Variants in MGST1 observed in about 807,000 individuals in gnomAD.
MGST1 encodes the protein microsomal glutathione S-transferase 1.
In MGST1, 5 loss-of-function variants were observed where a neutral mutation model predicts 8.9. The observed-to-expected ratio is 0.56, with a 90% CI of 0.29 to 1.19. MGST1 has a LOEUF of 1.19. MGST1 is among the 50% of genes most tolerant of loss of function. MGST1 has a pLI of 0.08. For missense variants in MGST1, 182 were observed against 187.4 expected (o/e 0.97, Z 0.17); for synonymous variants, 54 against 67.8 (o/e 0.80, Z 1.00).
At chr12:16,477,294 C>T (rs746572004) in intron 4 of MGST1, among the ~76,000 whole-genome samples, 5 of 152,026 alleles carry the variant, frequency 3.3e-5, no homozygotes, top group Admixed American at 1.3e-4. Flanking sequence ...GATTATCAGC[C>T]ATTTTCTTTG....
At chr12:16,397,655 A>G (rs1940616587) in intron 1 of MGST1, among the ~76,000 whole-genome samples, 1 of 151,970 alleles carries the variant, frequency 6.6e-6, no homozygotes, top group Admixed American at 6.6e-5. Flanking sequence ...TAAAAGATAC[A>G]CGAATGGCCA....
chr12:16,566,455 T>C (rs1942613802), intron 4 of MGST1, among the ~76,000 whole-genome samples: 1 of 152,058 alleles, frequency 6.6e-6, no homozygotes. Flanking sequence ...GCGATGGGTA[T>C]TTGAACTACC....
Position 16,513,362 on chromosome 12 carries a change from C to T in MGST1, n.483-76166C>T, listed in dbSNP as rs560034324. The T allele has an allele frequency of 2.3e-4, 82 of 357,238 alleles. No homozygotes were observed. The highest frequency in any genetic ancestry group is 1.5e-3 in the African/African-American group (71 of 46,652). 22.1% of individuals were successfully genotyped at this position (357,238 alleles called of 1,614,324 possible). A position where few individuals can be genotyped will look rare whatever the true frequency, so the allele number is the denominator to read the frequency against. On this transcript the variant is annotated intron_variant and non_coding_transcript_variant, in intron 4 of 4. Transcript: ENST00000538857. The surrounding 1 kb of genome is among the most constrained non-coding windows in gnomAD (Gnocchi z 4.2). ...TATGCTTGCCCTCTGCTCCGTCCTG[C>T]GTCTGCCCACTGCCCTCCTACCGTC...
chr12:16,398,473 T>C (rs1442458754), intron 1 of MGST1, among the ~76,000 whole-genome samples: 2 of 152,186 alleles, frequency 1.3e-5, no homozygotes, highest in East Asian at 3.8e-4. Flanking sequence ...CCCTTCCAGA[T>C]CTACATGTTG....
intron 1 of MGST1, among the ~76,000 whole-genome samples, chr12:16,405,904 A>G (rs572764572): frequency 6.6e-6 from 1 of 152,334 alleles, no homozygotes; most frequent in South Asian, 2.1e-4. Context: ...TTGAAGAAAC[A>G]TACTTCAAAA....
chr12:16,441,336 G>A (rs1398499664), downstream of MGST1, among the ~76,000 whole-genome samples: 3 of 151,748 alleles, frequency 2.0e-5, no homozygotes, highest in African/African-American at 7.3e-5. Context: ...ACAATGACAG[G>A]TCCTTATCAC....
chr12:16,440,366 A>G (rs1311974888), downstream of MGST1, among the ~76,000 whole-genome samples: 1 of 151,734 alleles, frequency 6.6e-6, no homozygotes, highest in East Asian at 1.9e-4. Flanking sequence ...CCAACTTCTT[A>G]GAGGTTTCCT....
chr12:16,515,089 T>C (rs1406866321), intron 4 of MGST1, among the ~76,000 whole-genome samples: 2 of 152,198 alleles, frequency 1.3e-5, no homozygotes, highest in Admixed American at 1.3e-4. Context: ...TCATGAACAG[T>C]TGGCCTCAGG....
intron 4 of MGST1, among the ~76,000 whole-genome samples, chr12:16,488,167 A>C (rs751806413): frequency 6.6e-6 from 1 of 152,176 alleles, no homozygotes; most frequent in Non-Finnish European, 1.5e-5. Context: ...TTAGGAGAAT[A>C]TTGCTTTCTT....
At chr12:16,449,699 C>A (rs1941114291) in intron 4 of MGST1, among the ~76,000 whole-genome samples, 1 of 151,920 alleles carries the variant, frequency 6.6e-6, no homozygotes. Context: ...AAATCCTACT[C>A]ATTTATTCAA....
intron 1 of MGST1, among the ~76,000 whole-genome samples, chr12:16,424,350 T>C (rs1011285166): frequency 2.0e-5 from 3 of 152,172 alleles, no homozygotes; most frequent in African/African-American, 7.2e-5. Context: ...TTCAAAAATA[T>C]ATTGGAATAA....
At chr12:16,553,475 G>A (rs1942070727) in intron 4 of MGST1, among the ~76,000 whole-genome samples, 1 of 152,190 alleles carries the variant, frequency 6.6e-6, no homozygotes, top group African/African-American at 2.4e-5. Context: ...AACAGAGGCA[G>A]AGCGAGAGAG....
At chr12:16,394,567 T>C (rs1940588248) in intron 1 of MGST1, among the ~76,000 whole-genome samples, 1 of 55,958 alleles carries the variant, frequency 1.8e-5, no homozygotes, top group Non-Finnish European at 4.5e-5. Context: ...TCTTTCTTTC[T>C]TTCTTTCTTC....
At chr12:16,441,805 A>C (rs1941041652), downstream of MGST1, among the ~76,000 whole-genome samples, 1 of 151,834 alleles carries the variant, frequency 6.6e-6, no homozygotes, top group Non-Finnish European at 1.5e-5. Context: ...AAACACATCC[A>C]TATGCAAGTT....
chr12:16,563,308 C>G (rs1942469355), intron 4 of MGST1, among the ~76,000 whole-genome samples: 1 of 152,030 alleles, frequency 6.6e-6, no homozygotes, highest in Admixed American at 6.6e-5. Context: ...TTCGAGTTCT[C>G]TTTTTTCTCA....
rs1293098473 is a variant in MGST1, at chr12:16,401,564, C to G, written n.778+17960C>G. The G allele has an allele frequency of 1.6e-6, 2 of 1,219,128 alleles. No individual in the cohort carries two copies. Among genetic ancestry groups the G allele is most frequent in the African/African-American group, 3.0e-5 (2 of 67,020 alleles). The allele number at this position is 1,219,128 out of a possible 1,614,324, so 75.5% of individuals were successfully genotyped here. A position where few individuals can be genotyped will look rare whatever the true frequency, so the allele number is the denominator to read the frequency against. ...GGAGGATCAGCCATCAAAGTGCGAA[C>G]AGGTTGGAGCAATAAGACTCGAAGC... On this transcript the variant is annotated intron_variant and non_coding_transcript_variant, in intron 1 of 1. Coordinates refer to the MGST1 transcript ENST00000359720. The surrounding 1 kb of genome is among the most constrained non-coding windows in gnomAD (Gnocchi z 4.3).
At chr12:16,440,417 G>C (rs1338503401), downstream of MGST1, among the ~76,000 whole-genome samples, 1 of 151,642 alleles carries the variant, frequency 6.6e-6, no homozygotes, top group Non-Finnish European at 1.5e-5. Context: ...TGCCACTAGA[G>C]GTAACTTCTT....
At chr12:16,489,644 T>G in intron 4 of MGST1, among the ~76,000 whole-genome samples, 1 of 152,216 alleles carries the variant, frequency 6.6e-6, no homozygotes, top group East Asian at 1.9e-4. Flanking sequence ...TTGTTATAGA[T>G]GAGGAGTCTA....
chr12:16,454,854 C>T (rs1941158095), intron 4 of MGST1, among the ~76,000 whole-genome samples: 1 of 35,996 alleles, frequency 2.8e-5, no homozygotes, highest in Non-Finnish European at 5.0e-5. Context: ...AAAAAATCAT[C>T]AGTAAGTTTA....
Sources: allele counts gnomAD v4.1 joint callset (sites outside exome capture counted in the v4.1 genomes callset), GRCh38; gene constraint gnomAD v4.1.1; non-coding constraint Gnocchi (gnomAD v3.1); transcripts MANE v1.5; gene names NCBI Gene and HGNC (gene_info 2026-07-23, HGNC 2026-07-21).